Variants in TRAK1 observed in about 807,000 individuals in gnomAD.
TRAK1 encodes the protein trafficking kinesin-binding protein 1.
In TRAK1, 33 loss-of-function variants were observed where a neutral mutation model predicts 92.1. The observed-to-expected ratio is 0.36, with a 90% CI of 0.27 to 0.48. The LOEUF is 0.48. TRAK1 is among the 20% of genes least tolerant of loss of function. The probability of loss-of-function intolerance (pLI) is 0.99; values close to 1 mark genes in which losing one functional copy is unlikely to be tolerated. For missense variants in TRAK1, 1,123 were observed against 1,257.9 expected (o/e 0.89, Z 1.62); for synonymous variants, 521 against 517.3 (o/e 1.01, Z -0.10).
intron 14 of TRAK1, chr3:42,217,239 C>T: frequency 2.0e-6 from 2 of 985,144 alleles, no homozygotes; most frequent in South Asian, 4.7e-5. Flanking sequence ...TGTTGTGTCT[C>T]AAGGAAGGGA....
intron 1 of TRAK1, among the ~76,000 whole-genome samples, chr3:42,092,711 G>GTGTTGTGTTGTGTTGTGTTGTGTTA (rs1400587515): frequency 6.0e-4 from 61 of 101,102 alleles, no homozygotes; most frequent in African/African-American, 1.4e-3. Context: ...GTGTTGTGTT[G>GTGTTGTGTTGTGTTGTGTTGTGTTA]TGTTATGTTA....
Position 42,091,396 on chromosome 3 carries a change from A to G in TRAK1, c.-74A>G. 2 of 1,374,716 alleles carry G rather than the reference A, an allele frequency of 1.5e-6. No homozygotes were observed. Among genetic ancestry groups the G allele is most frequent in the South Asian group, 1.2e-5 (1 of 81,256 alleles). 85.2% of individuals were successfully genotyped at this position (1,374,716 alleles called of 1,614,324 possible). The stretch of plus-strand genomic sequence containing the variant: ...GAAGGCACGGGAGGGTGGCTGTGCG[A>G]GGTACTGCCGGGGCTGAGCTCTCAT... On this transcript the variant is annotated 5_prime_UTR_variant, in exon 1 of 16. Coordinates refer to ENST00000327628, the MANE Select transcript of TRAK1 (RefSeq NM_001042646.3).
chr3:42,203,066 T>C (rs1282858997), intron 13 of TRAK1: 2 of 1,237,878 alleles, frequency 1.6e-6, no homozygotes, highest in Admixed American at 4.1e-5. Context: ...TTTGTGGCGG[T>C]AGAGGCACTG....
At position 42,028,328 on chromosome 3, in the gene TRAK1, CA is replaced by C. The variant is rs146641657; in HGVS notation, c.-519+14212del. Among the ~76,000 whole-genome samples the C allele has an allele frequency of 7.9e-3, 1,204 of 152,318 alleles. 48 individuals are homozygous for C. In the East Asian group the frequency reaches 0.13, roughly 16 times the overall value. On this transcript the variant is annotated intron_variant, in intron 1 of 16. Transcript: ENST00000487159. ...GGTAAGAATCACCTTTGATTAGAGT[CA>C]GGGGATTCCTGGCAGAATGGGGAGC... is the stretch of plus-strand genomic sequence containing the variant.
chr3:42,217,097 C>CT (rs550975120), intron 14 of TRAK1: 2,667 of 146,488 alleles, frequency 0.018, 54 homozygotes, highest in East Asian at 0.08. Context: ...CTCTCTCTCT[C>CT]TTTTTTTTTT....
At chr3:42,047,200 C>CTTTTTT (rs561224807) in intron 1 of TRAK1, among the ~76,000 whole-genome samples, 6 of 107,144 alleles carry the variant, frequency 5.6e-5, no homozygotes, top group African/African-American at 2.0e-4. Flanking sequence ...AAAAACTGAT[C>CTTTTTT]TTTTTTTTTT....
chr3:42,062,603 C>G (rs556116837), intron 1 of TRAK1, among the ~76,000 whole-genome samples: 1 of 152,164 alleles, frequency 6.6e-6, no homozygotes, highest in Non-Finnish European at 1.5e-5. Flanking sequence ...ACTGACCATG[C>G]ATGCTACTCT....
In TRAK1 at chr3:42,024,347, A is replaced by G. The variant is rs905418419; in HGVS notation, c.-519+10230A>G. Reference sequence around the variant, plus strand: ...TTGGGTTTGTTTATACATAGTAGGTATGCAGATATTTCTAGTTGTATCATT... The same window carrying G: ...TTGGGTTTGTTTATACATAGTAGGTGTGCAGATATTTCTAGTTGTATCATT... On this transcript the variant is annotated intron_variant, in intron 1 of 16. Coordinates refer to the TRAK1 transcript ENST00000487159. Among the ~76,000 whole-genome samples, 4 of 152,318 alleles carry G rather than the reference A, an allele frequency of 2.6e-5. No individual in the cohort carries two copies. In the East Asian group the frequency reaches 7.7e-4, roughly 29 times the overall value.
chr3:42,145,057 T>A (rs1699159885), intron 2 of TRAK1, among the ~76,000 whole-genome samples: 1 of 152,242 alleles, frequency 6.6e-6, no homozygotes, highest in Non-Finnish European at 1.5e-5. Context: ...AGTCTTGCAG[T>A]CTGTAAGCAA....
intron 1 of TRAK1, among the ~76,000 whole-genome samples, chr3:42,080,212 G>A (rs1704365545): frequency 6.6e-6 from 1 of 152,162 alleles, no homozygotes; most frequent in Admixed American, 6.5e-5. Flanking sequence ...GCAAATTTGA[G>A]TTCAGTAGCA....
chr3:42,046,542 T>C (rs925390018), intron 1 of TRAK1, among the ~76,000 whole-genome samples: 2 of 152,144 alleles, frequency 1.3e-5, no homozygotes, highest in Non-Finnish European at 2.9e-5. Flanking sequence ...TATTGGCTCA[T>C]CTAACAAGCC....
intron 1 of TRAK1, among the ~76,000 whole-genome samples, chr3:42,110,480 G>A (rs1300268428): frequency 2.6e-5 from 4 of 152,130 alleles, no homozygotes; most frequent in Non-Finnish European, 5.9e-5. Context: ...AGTCCTGAAA[G>A]GGTTCCTCCT....
intron 2 of TRAK1, among the ~76,000 whole-genome samples, chr3:42,153,939 C>G (rs1344787049): frequency 6.6e-6 from 1 of 152,110 alleles, no homozygotes; most frequent in Non-Finnish European, 1.5e-5. Flanking sequence ...CCACACACAG[C>G]ACTCTCCTCT....
At chr3:42,197,353 A>G (rs1706883185) in intron 10 of TRAK1, among the ~76,000 whole-genome samples, 1 of 152,232 alleles carries the variant, frequency 6.6e-6, no homozygotes, top group East Asian at 1.9e-4. Context: ...ATACAAAAAG[A>G]TCATCTCTAG....
intron 1 of TRAK1, 92 bp from the exon 2 acceptor site, chr3:42,125,328 G>A (rs1559800399): frequency 8.5e-6 from 10 of 1,176,798 alleles, no homozygotes; most frequent in South Asian, 6.2e-5. Context: ...ATAAATAACC[G>A]AAGATACCTG....
At chr3:42,084,407 A>G (rs1014345840), upstream of TRAK1, among the ~76,000 whole-genome samples, 21 of 152,230 alleles carry the variant, frequency 1.4e-4, no homozygotes, top group African/African-American at 4.6e-4. Context: ...CAACCTGGGT[A>G]ACATAGTAAG....
In TRAK1 at chr3:42,225,664, C is replaced by T. The variant is rs755830349; in HGVS notation, c.*1927C>T. The T allele has an allele frequency of 5.3e-5, 8 of 152,100 alleles. No individual in the cohort carries two copies. The highest frequency in any genetic ancestry group is 2.1e-4 in the South Asian group (1 of 4,822). The allele number at this position is 152,100 out of a possible 1,614,324, so 9.4% of individuals were successfully genotyped here. A position where few individuals can be genotyped will look rare whatever the true frequency, so the allele number is the denominator to read the frequency against. ...ATACTTAGTATAGTAAATAAATAAA[C>T]GGTCAACATTGTGCAACCACTACCA... On this transcript the variant is annotated 3_prime_UTR_variant, in exon 16 of 16. Transcript: ENST00000327628.
intron 1 of TRAK1, among the ~76,000 whole-genome samples, chr3:42,097,242 T>A (rs2148996129): frequency 6.6e-6 from 1 of 152,370 alleles, no homozygotes; most frequent in East Asian, 1.9e-4. Flanking sequence ...ACAAGTAGAT[T>A]GTTTCCAGTA....
chr3:42,111,845 A>G (rs954548316), intron 1 of TRAK1, among the ~76,000 whole-genome samples: 2 of 151,622 alleles, frequency 1.3e-5, no homozygotes, highest in African/African-American at 2.4e-5. Context: ...GATGCCTTAT[A>G]TAGTATTTTA....
Sources: gnomAD v4.1 joint callset for allele counts (sites outside exome capture counted in the v4.1 genomes callset) on GRCh38, gnomAD v4.1.1 for gene constraint, MANE v1.5 for transcripts, NCBI Gene and HGNC (gene_info 2026-07-23, HGNC 2026-07-21) for gene names.